Variants in TENM2 observed in about 807,000 individuals in gnomAD.
TENM2 encodes teneurin transmembrane protein 2.
A neutral mutation model predicts 245.2 loss-of-function variants in TENM2; 52 were observed. That is an observed-to-expected ratio of 0.21 (90% CI 0.17 to 0.27). The LOEUF is 0.27. Ranked by LOEUF, TENM2 falls within the 10% of genes least tolerant of loss-of-function variation. TENM2 has a pLI of 1.00. For synonymous variants in TENM2, 1,363 were observed against 1,438.9 expected (o/e 0.95, Z 1.19); for missense variants, 3,046 against 3,666.8 (o/e 0.83, Z 4.37).
In TENM2 at chr5:167,427,520, G is replaced by GA. The variant is rs1763907848; in HGVS notation, c.502+52048dup. ...AGGAAGAGAAGGAAGGGAAGGAAGG[G>GA]AGGGAGGGAAGGATGGGAAGGAAGG... On this transcript the variant is annotated intron_variant, in intron 2 of 28. Transcript: ENST00000518659. Among the ~76,000 whole-genome samples the GA allele has an allele frequency of 2.1e-5, 3 of 140,006 alleles. No homozygotes were observed. The South Asian group carries it at 7.4e-4, about 34-fold the overall frequency. The allele number at this position is 140,006 out of a possible 152,430, so 91.8% of individuals were successfully genotyped here.
At chr5:167,114,771 G>A in the TENM2 span, among the ~76,000 whole-genome samples, 2 of 152,102 alleles carry the variant, frequency 1.3e-5, no homozygotes, top group African/African-American at 2.4e-5. Flanking sequence ...ACTTGAAAAG[G>A]CCTTTGACTT....
intron 17 of TENM2, among the ~76,000 whole-genome samples, chr5:168,201,510 T>C (rs1761939495): frequency 6.6e-6 from 1 of 152,112 alleles, no homozygotes. Flanking sequence ...TTCTCCTGTA[T>C]TTTTCTGAAG....
chr5:167,632,738 A>G (rs1778956798), intron 2 of TENM2, among the ~76,000 whole-genome samples: 1 of 152,132 alleles, frequency 6.6e-6, no homozygotes, highest in South Asian at 2.1e-4. Flanking sequence ...CCAGCACAGT[A>G]CCTGGCACAA....
intron 2 of TENM2, among the ~76,000 whole-genome samples, chr5:167,453,626 T>C (rs1019052429): frequency 6.6e-6 from 1 of 152,216 alleles, no homozygotes; most frequent in Non-Finnish European, 1.5e-5. Flanking sequence ...TTCTTTTACC[T>C]CTTTTGTCCT....
At chr5:167,981,346 A>T (rs1782820414) in intron 4 of TENM2, among the ~76,000 whole-genome samples, 1 of 152,222 alleles carries the variant, frequency 6.6e-6, no homozygotes, top group South Asian at 2.1e-4. Context: ...AAGTGATGAC[A>T]TCTGTAACTG....
intron 2 of TENM2, among the ~76,000 whole-genome samples, chr5:167,661,659 G>C (rs1431089815): frequency 6.6e-6 from 1 of 152,158 alleles, no homozygotes. Context: ...ACAGAAATAA[G>C]AATTAATAAA....
chr5:167,272,423 A>T, the TENM2 span, among the ~76,000 whole-genome samples: 1 of 152,152 alleles, frequency 6.6e-6, no homozygotes, highest in African/African-American at 2.4e-5. Context: ...AATTCAATTA[A>T]CGTGTTATCA....
chr5:167,222,799 G>T, the TENM2 span, among the ~76,000 whole-genome samples: 1 of 151,990 alleles, frequency 6.6e-6, no homozygotes, highest in Non-Finnish European at 1.5e-5. Context: ...ATTGTTTATT[G>T]TATTCTAAAA....
intron 2 of TENM2, among the ~76,000 whole-genome samples, chr5:167,728,504 G>GGAGACT (rs1554106648): frequency 1.3e-5 from 2 of 151,430 alleles, no homozygotes; most frequent in African/African-American, 4.9e-5. Context: ...CAACTACTCA[G>GGAGACT]GAGGCAGGAG....
chr5:168,166,148 G>A (rs1758284616), intron 13 of TENM2, among the ~76,000 whole-genome samples: 1 of 152,136 alleles, frequency 6.6e-6, no homozygotes, highest in Admixed American at 6.5e-5. Flanking sequence ...CCTGCTTCGT[G>A]AGTTATCAGG....
intron 2 of TENM2, among the ~76,000 whole-genome samples, chr5:167,438,707 T>C (rs1764715629): frequency 6.6e-6 from 1 of 151,944 alleles, no homozygotes; most frequent in African/African-American, 2.4e-5. Flanking sequence ...TGAACAAACA[T>C]TTTTAATGGT....
At chr5:167,594,055 T>A (rs998983633) in intron 2 of TENM2, among the ~76,000 whole-genome samples, 3 of 152,210 alleles carry the variant, frequency 2.0e-5, no homozygotes, top group Non-Finnish European at 4.4e-5. Context: ...TTAAGTTGTA[T>A]GTTCCCTGCT....
At chr5:167,177,929 A>G in the TENM2 span, among the ~76,000 whole-genome samples, 4 of 152,314 alleles carry the variant, frequency 2.6e-5, no homozygotes, top group East Asian at 5.8e-4. Context: ...GCAAAGCCTC[A>G]AAGTCTCAGG....
At chr5:167,581,215 C>T (rs765996135) in intron 2 of TENM2, among the ~76,000 whole-genome samples, 30 of 152,230 alleles carry the variant, frequency 2.0e-4, no homozygotes, top group Non-Finnish European at 4.0e-4. Flanking sequence ...CAAGCTGTTT[C>T]TGTTTCTAAA....
chr5:167,181,494 GTGTGTGTGTA>G, the TENM2 span, among the ~76,000 whole-genome samples: 1 of 146,406 alleles, frequency 6.8e-6, no homozygotes, highest in African/African-American at 2.6e-5. Flanking sequence ...GTGTGTGTGT[GTGTGTGTGTA>G]TGTGTATTTT....
chr5:167,263,023 A>G, the TENM2 span, among the ~76,000 whole-genome samples: 22 of 152,324 alleles, frequency 1.4e-4, no homozygotes, highest in Non-Finnish European at 3.1e-4. Flanking sequence ...CACAAGGACA[A>G]CAATATCACT....
At chr5:167,119,648 G>C in the TENM2 span, 1 of 152,132 alleles carries the variant, frequency 6.6e-6, no homozygotes, top group Non-Finnish European at 1.5e-5. Flanking sequence ...ACTCCTGAGG[G>C]GAGGTGACCT....
chr5:167,691,280 A>G (rs141641488), intron 2 of TENM2, among the ~76,000 whole-genome samples: 1 of 152,122 alleles, frequency 6.6e-6, no homozygotes, highest in African/African-American at 2.4e-5. Flanking sequence ...TCCAATTGCA[A>G]AATTTGTAAG....
chr5:168,195,171 C>T lies in TENM2; in HGVS notation c.2781-5C>T, dbSNP rs1379815542. 2 of 1,590,354 alleles carry T rather than the reference C, an allele frequency of 1.3e-6. No homozygotes were observed. Among genetic ancestry groups the T allele is most frequent in the Admixed American group, 1.7e-5 (1 of 57,666 alleles). ...CTCAAAGACCTCTGTTTCTGTCTTT[C>T]TCAGCTTGGTTTCTCTCATCCGAGG... is the stretch of plus-strand genomic sequence containing the variant. On this transcript the variant is annotated splice_region_variant and splice_polypyrimidine_tract_variant and intron_variant, in intron 14 of 28. Coordinates refer to ENST00000518659, the Ensembl canonical transcript of TENM2.
Sources: allele counts gnomAD v4.1 joint callset (sites outside exome capture counted in the v4.1 genomes callset), GRCh38; gene constraint gnomAD v4.1.1; transcripts MANE v1.5; gene names NCBI Gene and HGNC (gene_info 2026-07-23, HGNC 2026-07-21).